Variants in PDS5B observed in about 807,000 individuals in gnomAD.
PDS5B encodes sister chromatid cohesion protein PDS5 homolog B.
In PDS5B, 51 loss-of-function variants were observed where a neutral mutation model predicts 184.1. The ratio of observed to expected loss-of-function variants is 0.28; its 90% CI spans 0.22 to 0.35. The LOEUF (loss-of-function observed/expected upper bound fraction) is 0.35, where lower values mean the gene tolerates loss of function less well. Ranked by LOEUF, PDS5B falls within the 10% of genes least tolerant of loss-of-function variation. PDS5B has a pLI of 1.00. For missense variants in PDS5B, 1,180 were observed against 1,723.3 expected (o/e 0.68, Z 5.58); for synonymous variants, 566 against 569.2 (o/e 0.99, Z 0.08).
chr13:32,663,851 A>G (rs1386596276), intron 6 of PDS5B, among the ~76,000 whole-genome samples: 2 of 152,096 alleles, frequency 1.3e-5, no homozygotes, highest in East Asian at 1.9e-4. Context: ...TGTGTACACA[A>G]TGTGTTTTTT....
intron 34 of PDS5B, among the ~76,000 whole-genome samples, chr13:32,774,099 G>A (rs367580682): frequency 5.3e-5 from 8 of 152,212 alleles, no homozygotes; most frequent in African/African-American, 1.4e-4. Flanking sequence ...CACTGCACCC[G>A]GCCCTTCTTG....
intron 19 of PDS5B, among the ~76,000 whole-genome samples, chr13:32,727,734 A>G (rs550706213): frequency 2.6e-4 from 40 of 152,180 alleles, no homozygotes; most frequent in African/African-American, 9.4e-4. Flanking sequence ...TTTTTATCCA[A>G]ATGAATAATA....
chr13:32,681,799 A>G (rs1359428541), intron 10 of PDS5B, among the ~76,000 whole-genome samples: 5 of 152,074 alleles, frequency 3.3e-5, no homozygotes, highest in African/African-American at 9.7e-5. Context: ...GTGCTTCTCA[A>G]CCTTATCAGA....
chr13:32,635,206 T>C (rs1283633838), intron 1 of PDS5B, among the ~76,000 whole-genome samples: 1 of 93,882 alleles, frequency 1.1e-5, no homozygotes, highest in Non-Finnish European at 2.1e-5. Context: ...TTTTTTTTTT[T>C]TTTTTTTTTG....
At chr13:32,702,163 T>C (rs907938093) in intron 17 of PDS5B, among the ~76,000 whole-genome samples, 1 of 152,182 alleles carries the variant, frequency 6.6e-6, no homozygotes, top group African/African-American at 2.4e-5. Flanking sequence ...ATACTAATGA[T>C]TTTTTCATCT....
chr13:32,756,868 A>G (rs1954199290), intron 26 of PDS5B, among the ~76,000 whole-genome samples: 1 of 152,150 alleles, frequency 6.6e-6, no homozygotes, highest in African/African-American at 2.4e-5. Flanking sequence ...CATGCCTGTA[A>G]TCTCAGCACT....
intron 19 of PDS5B, among the ~76,000 whole-genome samples, chr13:32,729,246 T>G (rs965612772): frequency 5.9e-5 from 9 of 152,216 alleles, no homozygotes; most frequent in African/African-American, 2.2e-4. Context: ...GGTTTCCAGC[T>G]TCATCCATGT....
intron 21 of PDS5B, among the ~76,000 whole-genome samples, chr13:32,738,459 A>T (rs1264879736): frequency 1.3e-5 from 2 of 152,184 alleles, no homozygotes; most frequent in Non-Finnish European, 2.9e-5. Context: ...TTGTGTGTCT[A>T]GTCACCATTC....
chr13:32,591,252 C>G (rs977399257), intron 1 of PDS5B, among the ~76,000 whole-genome samples: 1 of 152,042 alleles, frequency 6.6e-6, no homozygotes, highest in Admixed American at 6.6e-5. Flanking sequence ...CCTCAGCCTC[C>G]TGAGTAACTG....
chr13:32,747,609 G>T (rs576735517), intron 24 of PDS5B, among the ~76,000 whole-genome samples: 2 of 150,568 alleles, frequency 1.3e-5, no homozygotes, highest in African/African-American at 4.9e-5. Flanking sequence ...AAAAAAATTT[G>T]GGGGGAGCCC....
intron 19 of PDS5B, among the ~76,000 whole-genome samples, chr13:32,710,534 C>A (rs906089973): frequency 6.6e-6 from 1 of 152,196 alleles, no homozygotes; most frequent in Admixed American, 6.5e-5. Flanking sequence ...GAATACTTAC[C>A]TTAACAGCAG....
At chr13:32,671,825 G>T (rs1950945740) in intron 7 of PDS5B, among the ~76,000 whole-genome samples, 1 of 152,164 alleles carries the variant, frequency 6.6e-6, no homozygotes. Flanking sequence ...GAAGAGATTA[G>T]GGCAGCTTGT....
At chr13:32,735,141 T>G (rs1322032789) in intron 20 of PDS5B, 31 bp from the exon 21 acceptor site, 3 of 1,442,276 alleles carry the variant, frequency 2.1e-6, no homozygotes, top group Non-Finnish European at 2.8e-6. Context: ...ATGTGTAGAG[T>G]TGAAATATAT....
At chr13:32,693,404 A>T (rs1358990454) in intron 13 of PDS5B, among the ~76,000 whole-genome samples, 1 of 151,864 alleles carries the variant, frequency 6.6e-6, no homozygotes, top group Non-Finnish European at 1.5e-5. Flanking sequence ...TTTTTCAAAC[A>T]TATTGTTAAA....
chr13:32,664,259 C>T (rs1056420676), intron 6 of PDS5B, among the ~76,000 whole-genome samples: 1 of 152,126 alleles, frequency 6.6e-6, no homozygotes, highest in Admixed American at 6.5e-5. Context: ...TATGATTGTG[C>T]AGAAAACACA....
At chr13:32,663,005 G>A (rs1325051610) in intron 6 of PDS5B, among the ~76,000 whole-genome samples, 1 of 151,962 alleles carries the variant, frequency 6.6e-6, no homozygotes, top group Non-Finnish European at 1.5e-5. Context: ...ATATAACCTG[G>A]CAAATTTGTC....
chr13:32,628,426 T>C (rs959539584), intron 1 of PDS5B, among the ~76,000 whole-genome samples: 5 of 151,900 alleles, frequency 3.3e-5, no homozygotes, highest in Non-Finnish European at 5.9e-5. Flanking sequence ...CAGGTGCCTG[T>C]AATCCCAGCT....
At chr13:32,752,352 G>A (rs1057180989) in intron 24 of PDS5B, among the ~76,000 whole-genome samples, 4 of 152,122 alleles carry the variant, frequency 2.6e-5, no homozygotes, top group African/African-American at 9.7e-5. Flanking sequence ...ACTATCCTCA[G>A]TTTCAGGCAT....
chr13:32,596,740 C>G (rs1259676764), intron 1 of PDS5B, among the ~76,000 whole-genome samples: 1 of 152,008 alleles, frequency 6.6e-6, no homozygotes, highest in Non-Finnish European at 1.5e-5. Flanking sequence ...TCCTTGATAT[C>G]TAGTGATGTT....
Sources: gnomAD v4.1 joint callset for allele counts (sites outside exome capture counted in the v4.1 genomes callset) on GRCh38, gnomAD v4.1.1 for gene constraint, MANE v1.5 for transcripts, NCBI Gene and HGNC (gene_info 2026-07-23, HGNC 2026-07-21) for gene names.